Variants in SYT1 observed in about 807,000 individuals in gnomAD.
SYT1 encodes synaptotagmin 1, also known as synaptotagmin-1.
Under a neutral mutation model 44.8 loss-of-function variants are expected in SYT1, and 8 were observed. The ratio of observed to expected loss-of-function variants is 0.18; its 90% CI spans 0.10 to 0.32. The LOEUF is 0.32. SYT1 is among the 10% of genes least tolerant of loss of function. SYT1 has a pLI of 1.00. For synonymous variants in SYT1, 154 were observed against 188.8 expected, an observed-to-expected ratio of 0.82 and a Z score of 1.51; for missense variants, 286 against 509.3, an observed-to-expected ratio of 0.56 and a Z score of 4.22.
chr12:79,259,452 G>A (rs2138723410), intron 4 of SYT1, among the ~76,000 whole-genome samples: 1 of 152,274 alleles, frequency 6.6e-6, no homozygotes, highest in African/African-American at 2.4e-5. Context: ...AAGAAAAGAA[G>A]GCCGGATGTG....
intron 4 of SYT1, among the ~76,000 whole-genome samples, chr12:79,283,929 T>G (rs1438610901): frequency 6.6e-6 from 1 of 151,752 alleles, no homozygotes; most frequent in Non-Finnish European, 1.5e-5. Context: ...TTCTGCACAA[T>G]GATACTAAAT....
At chr12:79,202,463 A>C (rs1383524488) in intron 3 of SYT1, among the ~76,000 whole-genome samples, 2 of 152,188 alleles carry the variant, frequency 1.3e-5, no homozygotes, top group Non-Finnish European at 2.9e-5. Context: ...AACTTTATTA[A>C]AGCGTGACTT....
At chr12:79,212,795 T>C (rs188460905) in intron 3 of SYT1, among the ~76,000 whole-genome samples, 2 of 152,324 alleles carry the variant, frequency 1.3e-5, no homozygotes, top group Non-Finnish European at 2.9e-5. Flanking sequence ...GCTTAAATGT[T>C]ATTAGTAGAG....
intron 2 of SYT1, among the ~76,000 whole-genome samples, chr12:78,994,748 G>C (rs1870258430): frequency 6.6e-6 from 1 of 151,804 alleles, no homozygotes; most frequent in South Asian, 2.1e-4. Context: ...TCTTGGCCAG[G>C]CTGGTCTTGA....
At chr12:79,184,207 G>A (rs1292869087) in intron 3 of SYT1, among the ~76,000 whole-genome samples, 1 of 151,896 alleles carries the variant, frequency 6.6e-6, no homozygotes, top group East Asian at 1.9e-4. Context: ...CAGGGATCTT[G>A]GTGTTAGTCC....
intron 3 of SYT1, among the ~76,000 whole-genome samples, chr12:79,156,859 A>C (rs564983364): frequency 6.6e-6 from 1 of 152,262 alleles, no homozygotes; most frequent in East Asian, 1.9e-4. Context: ...CAGTGACTTC[A>C]CTCAGAGAAG....
At chr12:79,246,943 G>A (rs1330254373) in intron 4 of SYT1, among the ~76,000 whole-genome samples, 5 of 152,174 alleles carry the variant, frequency 3.3e-5, no homozygotes, top group East Asian at 1.9e-4. Flanking sequence ...TTCAGTATAA[G>A]GTTGACAGAG....
intron 3 of SYT1, among the ~76,000 whole-genome samples, chr12:79,128,082 G>T (rs934474836): frequency 2.6e-5 from 4 of 152,050 alleles, no homozygotes; most frequent in African/African-American, 9.7e-5. Context: ...TGGATAATTA[G>T]ATAGAGAGAT....
chr12:79,056,944 C>T (rs1003996694), intron 3 of SYT1, among the ~76,000 whole-genome samples: 5 of 151,910 alleles, frequency 3.3e-5, no homozygotes, highest in Non-Finnish European at 5.9e-5. Context: ...CATTCTTTTG[C>T]AAACACCATA....
At chr12:78,894,524 C>T (rs1033515657) in intron 1 of SYT1, among the ~76,000 whole-genome samples, 13 of 150,990 alleles carry the variant, frequency 8.6e-5, no homozygotes, top group South Asian at 2.1e-4. Flanking sequence ...CATTTTGATA[C>T]GCATCAAAAT....
chr12:79,443,504 G>A (rs180918690), intron 9 of SYT1, among the ~76,000 whole-genome samples: 1 of 152,164 alleles, frequency 6.6e-6, no homozygotes, highest in African/African-American at 2.4e-5. Context: ...TGAAGACAGG[G>A]ATAGTCTGTT....
intron 9 of SYT1, among the ~76,000 whole-genome samples, chr12:79,395,131 G>A (rs1237816336): frequency 1.3e-5 from 2 of 152,202 alleles, no homozygotes; most frequent in Non-Finnish European, 2.9e-5. Flanking sequence ...GGTTGTAGAA[G>A]AGACATGAAT....
At chr12:79,205,000 TG>T (rs1484971997) in intron 3 of SYT1, among the ~76,000 whole-genome samples, 9 of 142,178 alleles carry the variant, frequency 6.3e-5, no homozygotes, top group East Asian at 4.2e-4. Context: ...AGTCTCTCTT[TG>T]TCGCCCAGGC....
At chr12:79,019,649 T>A (rs1213291315) in intron 2 of SYT1, among the ~76,000 whole-genome samples, 4 of 151,940 alleles carry the variant, frequency 2.6e-5, no homozygotes, top group South Asian at 4.1e-4. Context: ...AAAAATGACA[T>A]TGGACTGGGA....
intron 1 of SYT1, among the ~76,000 whole-genome samples, chr12:78,961,195 A>T (rs988548816): frequency 7.3e-5 from 11 of 151,662 alleles, no homozygotes. Context: ...GCAGCCTCCA[A>T]CTCCTGGGAT....
rs1592813293 is a variant in SYT1 at position 79,169,600 on chromosome 12, T to C, written c.-17-47903T>C. ...CACCTGCAAAAGTTACAAGCAGATTTGAACTATGTGACCAAATCTAGCTGC... is the reference window on the plus strand; with the variant it reads ...CACCTGCAAAAGTTACAAGCAGATTCGAACTATGTGACCAAATCTAGCTGC... On this transcript the variant is annotated intron_variant, in intron 3 of 10. Transcript: ENST00000261205. Among the ~76,000 whole-genome samples, 6 of 152,170 alleles carry C rather than the reference T, an allele frequency of 3.9e-5. 1 individual carries two copies. Among genetic ancestry groups the C allele is most frequent in the Admixed American group, 3.9e-4 (6 of 15,270 alleles).
intron 9 of SYT1, among the ~76,000 whole-genome samples, chr12:79,355,140 G>A (rs957039446): frequency 2.0e-5 from 3 of 152,040 alleles, no homozygotes; most frequent in Admixed American, 1.3e-4. Flanking sequence ...CTTCTCCACC[G>A]TCTGTCCCCT....
chr12:79,386,876 G>GT (rs1195312894), intron 9 of SYT1, among the ~76,000 whole-genome samples: 1 of 152,076 alleles, frequency 6.6e-6, no homozygotes, highest in Non-Finnish European at 1.5e-5. Flanking sequence ...CTCTACGGGT[G>GT]TGCACTCTCC....
chr12:79,246,048 A>G (rs1322305275), intron 4 of SYT1, among the ~76,000 whole-genome samples: 1 of 152,202 alleles, frequency 6.6e-6, no homozygotes, highest in Admixed American at 6.5e-5. Context: ...ATATCAATTT[A>G]AAGCAGAGCA....
Sources: gnomAD v4.1 joint callset for allele counts (sites outside exome capture counted in the v4.1 genomes callset) on GRCh38, gnomAD v4.1.1 for gene constraint, MANE v1.5 for transcripts, NCBI Gene and HGNC (gene_info 2026-07-23, HGNC 2026-07-21) for gene names.